The following SLC9A9 variants were observed in gnomAD, a reference collection of about 807,000 sequenced individuals.
SLC9A9 encodes solute carrier family 9 member A9.
A neutral mutation model predicts 77.8 loss-of-function variants in SLC9A9; 62 were observed. That is an observed-to-expected ratio of 0.80 (90% CI 0.65 to 0.98). SLC9A9 has a LOEUF of 0.98. Ranked by LOEUF, SLC9A9 falls within the 50% of genes least tolerant of loss-of-function variation. SLC9A9 has a pLI of 0.00. For missense variants in SLC9A9, 775 were observed against 774.9 expected, an observed-to-expected ratio of 1.00 and a Z score of 0.00; for synonymous variants, 320 against 283.5, an observed-to-expected ratio of 1.13 and a Z score of -1.29.
At chr3:143,357,288 T>C (rs1339891459) in intron 14 of SLC9A9, among the ~76,000 whole-genome samples, 4 of 152,168 alleles carry the variant, frequency 2.6e-5, no homozygotes, top group African/African-American at 9.7e-5. Flanking sequence ...TCCTTTCCTA[T>C]GCTAGGGACC....
At chr3:143,317,577 A>C (rs2031256996) in intron 14 of SLC9A9, among the ~76,000 whole-genome samples, 1 of 152,232 alleles carries the variant, frequency 6.6e-6, no homozygotes. Flanking sequence ...GAAGATGTAG[A>C]TCCTCTGGCT....
Position 143,485,361 on chromosome 3 carries a change from C to T in SLC9A9, c.1315+8292G>A, listed in dbSNP as rs566910020. 5.3e-5 allele frequency among the ~76,000 whole-genome samples: 8 copies of T among 152,180 alleles called. No homozygotes were observed. The South Asian group carries it at 1.7e-3, about 32-fold the overall frequency. On this transcript the variant is annotated intron_variant, in intron 11 of 15. Coordinates refer to ENST00000316549, the MANE Select transcript of SLC9A9 (RefSeq NM_173653.4). ...CCAGGACCCTTTTAATTTTTTTCAC[C>T]TTCGATTTTCTTTTTCTCCACCTTC... is the stretch of plus-strand genomic sequence containing the variant.
chr3:143,530,648 CAA>C (rs954086354), intron 9 of SLC9A9, among the ~76,000 whole-genome samples: 3 of 146,934 alleles, frequency 2.0e-5, no homozygotes, highest in Non-Finnish European at 4.5e-5. Context: ...AAAAACAAAA[CAA>C]AACAAAACAA....
At chr3:143,605,693 T>C (rs1364184838) in intron 6 of SLC9A9, among the ~76,000 whole-genome samples, 1 of 152,224 alleles carries the variant, frequency 6.6e-6, no homozygotes, top group Non-Finnish European at 1.5e-5. Flanking sequence ...CTCTGGCATA[T>C]ATTGAAGGAA....
chr3:143,320,193 A>T (rs1386294459), intron 14 of SLC9A9, among the ~76,000 whole-genome samples: 1 of 152,210 alleles, frequency 6.6e-6, no homozygotes, highest in Admixed American at 6.5e-5. Flanking sequence ...CAGGCCCTTC[A>T]TCCATCTTAC....
chr3:143,758,125 A>G (rs759856584), intron 4 of SLC9A9, among the ~76,000 whole-genome samples: 36 of 152,190 alleles, frequency 2.4e-4, no homozygotes, highest in Admixed American at 2.2e-3. Flanking sequence ...CTTAATGACT[A>G]TCATTTATAA....
intron 4 of SLC9A9, among the ~76,000 whole-genome samples, chr3:143,737,526 T>C (rs1934970509): frequency 6.6e-6 from 1 of 151,676 alleles, no homozygotes; most frequent in Admixed American, 6.6e-5. Flanking sequence ...ATGGCAGAGC[T>C]GGAGAAGACT....
chr3:143,707,577 G>T (rs1934018446), intron 4 of SLC9A9, among the ~76,000 whole-genome samples: 1 of 152,120 alleles, frequency 6.6e-6, no homozygotes. Context: ...TATGTTCATT[G>T]TTCCTGATAA....
chr3:143,529,506 T>G (rs1042183512), intron 9 of SLC9A9, among the ~76,000 whole-genome samples: 2 of 152,206 alleles, frequency 1.3e-5, no homozygotes, highest in African/African-American at 4.8e-5. Flanking sequence ...TTTGGAAGGA[T>G]TCAACACTGT....
intron 2 of SLC9A9, 65 bp from the exon 3 acceptor site, chr3:143,796,968 T>A (rs1416937155): frequency 1.7e-5 from 22 of 1,312,226 alleles, no homozygotes; most frequent in Non-Finnish European, 2.2e-5. Flanking sequence ...AAAACATGTT[T>A]CAAAAAACAG....
chr3:143,283,312 T>C (rs1938280067), intron 14 of SLC9A9, among the ~76,000 whole-genome samples: 1 of 152,006 alleles, frequency 6.6e-6, no homozygotes, highest in South Asian at 2.1e-4. Context: ...GGCACTGGGC[T>C]GGACACTGGA....
chr3:143,284,575 AAATAT>A (rs958851044), intron 14 of SLC9A9, among the ~76,000 whole-genome samples: 43 of 152,078 alleles, frequency 2.8e-4, no homozygotes, highest in South Asian at 6.2e-4. Flanking sequence ...AAGTATTCTA[AAATAT>A]AATATAATAT....
intron 12 of SLC9A9, among the ~76,000 whole-genome samples, chr3:143,417,524 T>G (rs1419357627): frequency 1.7e-4 from 21 of 121,870 alleles, no homozygotes; most frequent in East Asian, 4.8e-4. Context: ...AAGGGATGGA[T>G]GGAGGGAAAA....
intron 8 of SLC9A9, among the ~76,000 whole-genome samples, chr3:143,571,357 T>C (rs937228399): frequency 5.9e-5 from 9 of 152,234 alleles, no homozygotes; most frequent in African/African-American, 2.2e-4. Flanking sequence ...ATTTGTATCA[T>C]ATTAGTTTAC....
intron 2 of SLC9A9, among the ~76,000 whole-genome samples, chr3:143,820,905 TTA>T (rs914196543): frequency 7.1e-6 from 1 of 141,412 alleles, no homozygotes; most frequent in African/African-American, 2.6e-5. Context: ...TTTCTTTGTC[TTA>T]TTTTTTTTTT....
intron 14 of SLC9A9, among the ~76,000 whole-genome samples, chr3:143,320,385 T>C (rs2108445486): frequency 6.6e-6 from 1 of 152,306 alleles, no homozygotes; most frequent in East Asian, 1.9e-4. Flanking sequence ...TTAGTCTTCT[T>C]GTGTTGCTAT....
chr3:143,379,368 T>C (rs7618132), intron 13 of SLC9A9, among the ~76,000 whole-genome samples: 118,464 of 152,156 alleles, frequency 0.78, 46,233 homozygotes, highest in South Asian at 0.79. Flanking sequence ...CCAGGTTCAG[T>C]GGCAGCTGTG....
chr3:143,391,495 T>C lies in SLC9A9; in HGVS notation c.1470-9381A>G, dbSNP rs1360746399. Among the ~76,000 whole-genome samples, 4 of 152,152 alleles carry C rather than the reference T, an allele frequency of 2.6e-5. No individual in the cohort carries two copies. The East Asian group carries it at 7.7e-4, about 29-fold the overall frequency. On this transcript the variant is annotated intron_variant, in intron 12 of 15. Transcript: ENST00000316549. ...CCAAAGGTAGACAAAACCACAAAGATGGGGAAAAAACAGAGCAGAAATTCT... is the reference window on the plus strand; with the variant it reads ...CCAAAGGTAGACAAAACCACAAAGACGGGGAAAAAACAGAGCAGAAATTCT...
At chr3:143,527,388 T>C (rs148895528) in intron 9 of SLC9A9, among the ~76,000 whole-genome samples, 28 of 152,330 alleles carry the variant, frequency 1.8e-4, no homozygotes, top group African/African-American at 6.7e-4. Context: ...ATTAGAATTT[T>C]CTAATGGTTC....
Sources: gnomAD v4.1 joint callset for allele counts (sites outside exome capture counted in the v4.1 genomes callset) on GRCh38, gnomAD v4.1.1 for gene constraint, MANE v1.5 for transcripts, NCBI Gene and HGNC (gene_info 2026-07-23, HGNC 2026-07-21) for gene names.